Variants in GMDS observed in about 807,000 individuals in gnomAD.
The protein encoded by GMDS is GDP-mannose 4,6 dehydratase.
GMDS carries 20 observed loss-of-function variants against 49.9 expected under a neutral mutation model. The observed-to-expected ratio is 0.40, with a 90% CI of 0.28 to 0.58. The LOEUF (loss-of-function observed/expected upper bound fraction) is 0.58, where lower values mean the gene tolerates loss of function less well. GMDS is among the 20% of genes least tolerant of loss of function. The pLI is 0.42. For synonymous variants in GMDS, 177 were observed against 178.6 expected (o/e 0.99, Z 0.07); for missense variants, 362 against 481.4 (o/e 0.75, Z 2.32).
chr6:1,998,503 C>A (rs767698686), intron 4 of GMDS, among the ~76,000 whole-genome samples: 15 of 152,096 alleles, frequency 9.9e-5, no homozygotes, highest in Admixed American at 6.6e-4. Context: ...AGGATTATAA[C>A]CCCAGAATGG....
At chr6:1,785,332 C>A (rs532655342) in intron 7 of GMDS, among the ~76,000 whole-genome samples, 95 of 152,294 alleles carry the variant, frequency 6.2e-4, no homozygotes, top group Admixed American at 4.2e-3. Flanking sequence ...AAGAAAAATT[C>A]TAACAAGTAG....
intron 6 of GMDS, among the ~76,000 whole-genome samples, chr6:1,953,908 A>G (rs1763495727): frequency 6.6e-6 from 1 of 152,170 alleles, no homozygotes; most frequent in African/African-American, 2.4e-5. Flanking sequence ...CTGATTGTTT[A>G]GTTTTTCAAA....
intron 7 of GMDS, among the ~76,000 whole-genome samples, chr6:1,752,220 T>A (rs1250059091): frequency 1.3e-5 from 2 of 151,900 alleles, no homozygotes; most frequent in African/African-American, 4.8e-5. Flanking sequence ...AAACACAGCA[T>A]GAGAACTTCG....
chr6:1,997,346 A>G (rs1766351197), intron 4 of GMDS, among the ~76,000 whole-genome samples: 1 of 151,906 alleles, frequency 6.6e-6, no homozygotes, highest in South Asian at 2.1e-4. Flanking sequence ...CATCTCTACT[A>G]AAAATACAAA....
intron 7 of GMDS, among the ~76,000 whole-genome samples, chr6:1,812,766 G>A (rs888155325): frequency 6.6e-6 from 1 of 152,180 alleles, no homozygotes; most frequent in African/African-American, 2.4e-5. Context: ...TGAAGAGGAG[G>A]TAGATGGTTT....
At chr6:1,760,477 G>A (rs923312564) in intron 7 of GMDS, among the ~76,000 whole-genome samples, 1 of 152,186 alleles carries the variant, frequency 6.6e-6, no homozygotes, top group East Asian at 1.9e-4. Context: ...TGGGAACACA[G>A]AGGAGACAAC....
At chr6:2,033,151 T>C (rs1401477755) in intron 4 of GMDS, among the ~76,000 whole-genome samples, 1 of 152,184 alleles carries the variant, frequency 6.6e-6, no homozygotes, top group Admixed American at 6.5e-5. Flanking sequence ...TCATTTATAG[T>C]TTGAGCCAAA....
rs1202446459 is a variant in GMDS at position 1,798,901 on chromosome 6, T to C, written c.772-56315A>G. 4.6e-5 allele frequency among the ~76,000 whole-genome samples: 7 copies of C among 152,318 alleles called. No homozygotes were observed. The East Asian group carries it at 1.3e-3, about 29-fold the overall frequency. On this transcript the variant is annotated intron_variant, in intron 7 of 10. Coordinates refer to ENST00000380815, the MANE Select transcript of GMDS (RefSeq NM_001500.4). ...CCTGTATCTTGCTTGCTTCAAAACA[T>C]ACTTCTTCCTTATGGAAAGTACTGG...
chr6:2,178,431 A>C (rs1161266742), intron 1 of GMDS, among the ~76,000 whole-genome samples: 14 of 152,128 alleles, frequency 9.2e-5, no homozygotes, highest in Admixed American at 9.2e-4. Context: ...CACATGCTTT[A>C]AACAACCAGA....
chr6:2,224,466 A>T lies in GMDS; in HGVS notation c.102+20855T>A, dbSNP rs370900466. Among the ~76,000 whole-genome samples, 22 of 152,306 alleles carry T rather than the reference A, an allele frequency of 1.4e-4. No homozygotes were observed. In the East Asian group the frequency reaches 1.9e-3, roughly 13 times the overall value. ...TGTTGGAAACTGTTTTCAATTTGCAACCTAATTGCTTCCCAAATAAAGATC... is the reference window on the plus strand; with the variant it reads ...TGTTGGAAACTGTTTTCAATTTGCATCCTAATTGCTTCCCAAATAAAGATC... On this transcript the variant is annotated intron_variant, in intron 1 of 10. Coordinates refer to ENST00000380815, the MANE Select transcript of GMDS (RefSeq NM_001500.4).
intron 4 of GMDS, among the ~76,000 whole-genome samples, chr6:2,092,419 T>C (rs531850930): frequency 1.6e-4 from 25 of 152,306 alleles, no homozygotes; most frequent in African/African-American, 6.0e-4. Context: ...CATCACCTCA[T>C]CCCAGCTTAT....
chr6:2,244,843 G>A (rs1781786603), intron 1 of GMDS, among the ~76,000 whole-genome samples: 1 of 152,190 alleles, frequency 6.6e-6, no homozygotes. Flanking sequence ...TCCGGTGATA[G>A]GGGACGAAAC....
chr6:1,722,683 T>TG (rs1487231604), intron 9 of GMDS, among the ~76,000 whole-genome samples: 1 of 152,230 alleles, frequency 6.6e-6, no homozygotes, highest in African/African-American at 2.4e-5. Flanking sequence ...AACTTGCCTA[T>TG]GGTCGCACAG....
At chr6:1,998,661 T>C (rs982316402) in intron 4 of GMDS, among the ~76,000 whole-genome samples, 1 of 152,222 alleles carries the variant, frequency 6.6e-6, no homozygotes, top group African/African-American at 2.4e-5. Flanking sequence ...GTACCAATTA[T>C]TTACATAGCA....
At chr6:1,922,329 T>C (rs542966782) in intron 7 of GMDS, among the ~76,000 whole-genome samples, 34 of 152,296 alleles carry the variant, frequency 2.2e-4, no homozygotes, top group South Asian at 6.2e-4. Context: ...AACAAATGGA[T>C]TCAGGCACCA....
At chr6:1,790,112 G>A (rs1044464966) in intron 7 of GMDS, among the ~76,000 whole-genome samples, 1 of 151,936 alleles carries the variant, frequency 6.6e-6, no homozygotes, top group African/African-American at 2.4e-5. Context: ...GAGTCATCCC[G>A]AAAACCTCAC....
intron 7 of GMDS, among the ~76,000 whole-genome samples, chr6:1,757,362 G>A (rs900979485): frequency 2.0e-5 from 3 of 152,140 alleles, no homozygotes; most frequent in African/African-American, 7.2e-5. Context: ...CTTCAGCCAG[G>A]TGTTTCCAAT....
intron 9 of GMDS, among the ~76,000 whole-genome samples, chr6:1,666,382 T>C (rs1764240611): frequency 6.6e-6 from 1 of 152,208 alleles, no homozygotes; most frequent in Non-Finnish European, 1.5e-5. Context: ...TTCTTATTTA[T>C]GGAGGAAATA....
chr6:1,755,548 A>AG (rs1767908408), intron 7 of GMDS, among the ~76,000 whole-genome samples: 1 of 151,920 alleles, frequency 6.6e-6, no homozygotes, highest in Non-Finnish European at 1.5e-5. Flanking sequence ...TGGAACCAAA[A>AG]AAATGCCCGT....
Sources: gnomAD v4.1 joint callset for allele counts (sites outside exome capture counted in the v4.1 genomes callset) on GRCh38, gnomAD v4.1.1 for gene constraint, MANE v1.5 for transcripts, NCBI Gene and HGNC (gene_info 2026-07-23, HGNC 2026-07-21) for gene names.